Variants in LILRA1 observed in about 807,000 individuals in gnomAD.
LILRA1 encodes the protein leukocyte immunoglobulin-like receptor subfamily A member 1.
LILRA1 carries 51 observed loss-of-function variants against 51.6 expected under a neutral mutation model. The observed-to-expected ratio is 0.99, with a 90% CI of 0.79 to 1.25. LILRA1 has a LOEUF of 1.25. LILRA1 is among the 50% of genes most tolerant of loss of function. LILRA1 has a pLI of 0.00. For missense variants in LILRA1, 660 were observed against 611.7 expected (o/e 1.08, Z -0.83); for synonymous variants, 305 against 248.4 (o/e 1.23, Z -2.14).
chr19:54,594,825 T>A lies in LILRA1; in HGVS notation c.231T>A (p.Ile77=). ...GGATTACACGGATCCCACAGGAGAT[T>A]GTGAAGAAGGGCCAGTTCCCCATCC... The part of the protein sequence containing the change: ...APWITRIPQE[I]VKKGQFPIPS... The change falls in exon 4 of 10, where the codon ATT becomes ATA. Residue 77 remains isoleucine, a synonymous_variant. Coordinates refer to ENST00000251372, the MANE Select transcript of LILRA1 (RefSeq NM_006863.4). 1 of 1,614,096 alleles carries A rather than the reference T, an allele frequency of 6.2e-7. No homozygotes were observed. Among genetic ancestry groups the A allele is most frequent in the South Asian group, 1.1e-5 (1 of 91,080 alleles).
intron 7 of LILRA1, among the ~76,000 whole-genome samples, chr19:54,597,635 G>A (rs887515918): frequency 1.3e-5 from 2 of 152,074 alleles, no homozygotes; most frequent in East Asian, 3.9e-4. Flanking sequence ...TGATGGAGGA[G>A]GAACAGAGGC....
At chr19:54,596,558 C>T (rs2063063613) in intron 7 of LILRA1, 67 bp downstream of exon 7, 5 of 1,589,750 alleles carry the variant, frequency 3.1e-6, no homozygotes, top group South Asian at 1.1e-5. Flanking sequence ...CCCAGGAGAG[C>T]TCTGGACACT....
chr19:54,599,566 A>G, intron 8 of LILRA1: 2 of 1,129,198 alleles, frequency 1.8e-6, no homozygotes, highest in Non-Finnish European at 2.2e-6. Context: ...TTTTCAATGG[A>G]TCTCCTCTAA....
Position 54,599,035 on chromosome 19 carries a change from C to T in LILRA1, c.1262-201C>T, listed in dbSNP as rs551572654. On this transcript the variant is annotated intron_variant, in intron 7 of 9. Coordinates refer to ENST00000251372, the MANE Select transcript of LILRA1 (RefSeq NM_006863.4). Reference sequence around the variant, plus strand: ...GGTCTTGAACTCCTGACCTCATGATCTGCCCACGTCAGCCTCCCAAAATGC... The same window carrying T: ...GGTCTTGAACTCCTGACCTCATGATTTGCCCACGTCAGCCTCCCAAAATGC... Among the ~76,000 whole-genome samples the T allele has an allele frequency of 6.3e-4, 96 of 152,232 alleles. 1 individual carries two copies. The highest frequency in any genetic ancestry group is 3.4e-3 in the Middle Eastern group (1 of 294).
chr19:54,600,506 T>C lies in LILRA1; in HGVS notation c.1313-6T>C. 6.2e-7 allele frequency: 1 copy of C among 1,614,044 alleles called. No homozygotes were observed. Among genetic ancestry groups the C allele is most frequent in the Non-Finnish European group, 8.5e-7 (1 of 1,179,980 alleles). ...CAGGGCTCTTCCCCTCTGTTTTTAT[T>C]CTCAGGAGCAGCTAACACCCTCAGC... On this transcript the variant is annotated splice_region_variant and splice_polypyrimidine_tract_variant and intron_variant, in intron 8 of 9. Coordinates refer to ENST00000251372, the MANE Select transcript of LILRA1 (RefSeq NM_006863.4).
chr19:54,594,347 C>A, intron 2 of LILRA1, 69 bp downstream of exon 2: 1 of 1,613,902 alleles, frequency 6.2e-7, no homozygotes, highest in Non-Finnish European at 8.5e-7. Flanking sequence ...ACCTCTAGTC[C>A]CTAAGGAGAC....
intron 8 of LILRA1, 32 bp downstream of exon 8, chr19:54,599,318 T>C: frequency 6.5e-7 from 1 of 1,546,260 alleles, no homozygotes; most frequent in Non-Finnish European, 8.8e-7. Context: ...GTGATGACGC[T>C]GGGCACAGAG....
At position 54,593,865 on chromosome 19, in the gene LILRA1, C is replaced by G. The variant is rs1207098170; in HGVS notation, c.-49+84C>G. The G allele has an allele frequency of 1.4e-5, 9 of 643,304 alleles. No homozygotes were observed. In the East Asian group the frequency reaches 2.3e-4, roughly 16 times the overall value. The allele number at this position is 643,304 out of a possible 1,614,324, so 39.8% of individuals were successfully genotyped here. The stretch of plus-strand genomic sequence containing the variant: ...GGAGGCTGTGAGAAGGAAAGGGAAG[C>G]CTCCGTTACCCTCATCTGGAAGGGC... On this transcript the variant is annotated intron_variant, in intron 1 of 9. Transcript: ENST00000251372.
chr19:54,594,581 G>A, intron 3 of LILRA1, 84 bp from the exon 4 acceptor site: 2 of 1,610,960 alleles, frequency 1.2e-6, no homozygotes, highest in Middle Eastern at 1.7e-4. Flanking sequence ...CTGACTGATG[G>A]GGGCATCTGG....
At position 54,595,884 on chromosome 19, in the gene LILRA1, C is replaced by A. The variant is rs776139230; in HGVS notation, c.907C>A (p.Leu303Ile). 3 of 1,611,542 alleles carry A rather than the reference C, an allele frequency of 1.9e-6. No individual in the cohort carries two copies. The African/African-American group carries it at 4.0e-5, about 22-fold the overall frequency. Residue 303 changes from leucine to isoleucine, a missense_variant, in exon 6 of 10, where the codon CTC (leucine) becomes ATC (isoleucine). Leu to Ile is a conservative substitution (Grantham distance 5). Transcript: ENST00000251372. ...GTACAGATGCTCCGGTGCATACAAC[C>A]TCTCCTCCGAGTGGTCGGCCCCCAG... ...GQYRCSGAYNLSSEWSAPSDP... is the reference protein window; with the variant it reads ...GQYRCSGAYNISSEWSAPSDP...
At chr19:54,594,499 C>T in intron 3 of LILRA1, 23 bp downstream of exon 3, 1 of 1,614,086 alleles carries the variant, frequency 6.2e-7, no homozygotes, top group Non-Finnish European at 8.5e-7. Flanking sequence ...CCAGCTCTCC[C>T]AGGTCCCTCC....
chr19:54,595,528 C>T (rs1843824453), intron 5 of LILRA1, 111 bp from the exon 6 acceptor site: 1 of 1,540,738 alleles, frequency 6.5e-7, no homozygotes, highest in Non-Finnish European at 8.7e-7. Context: ...CTCAGGGCTC[C>T]TGGGGCCGGA....
intron 1 of LILRA1, 127 bp from the exon 2 acceptor site, chr19:54,594,070 A>G (rs1371958679): frequency 1.0e-6 from 1 of 1,004,408 alleles, no homozygotes; most frequent in Non-Finnish European, 1.5e-6. Flanking sequence ...GGCTCCTGGT[A>G]GGGTAGTTCT....
chr19:54,598,171 A>G (rs1285102400), intron 7 of LILRA1, among the ~76,000 whole-genome samples: 2 of 151,982 alleles, frequency 1.3e-5, no homozygotes, highest in Non-Finnish European at 2.9e-5. Context: ...TATGCTTTCT[A>G]TATGTATGCT....
Position 54,594,296 on chromosome 19 carries a change from A to G in LILRA1, c.34+18A>G. The G allele has an allele frequency of 6.2e-7, 1 of 1,612,136 alleles. No homozygotes were observed. The highest frequency in any genetic ancestry group is 1.1e-5 in the South Asian group (1 of 90,798). ...CTGTCTCAGTGAGATTTGAAGAGGG[A>G]GGGGAGCTTCTAACCTAGGAGGGAC... On this transcript the variant is annotated intron_variant, in intron 2 of 9. Coordinates refer to ENST00000251372, the MANE Select transcript of LILRA1 (RefSeq NM_006863.4).
At position 54,601,823 on chromosome 19, in the gene LILRA1, T is replaced by C. The variant is rs1401043817; in HGVS notation, c.*1006T>C. The C allele has an allele frequency of 6.6e-6, 1 of 152,204 alleles. No individual in the cohort carries two copies. The highest frequency in any genetic ancestry group is 1.5e-5 in the Non-Finnish European group (1 of 68,038). 9.4% of individuals were successfully genotyped at this position (152,204 alleles called of 1,614,324 possible). On this transcript the variant is annotated 3_prime_UTR_variant, in exon 10 of 10. Transcript: ENST00000251372. ...CTGGGGCTGATTCTTTTCTGAATTGTCGCAAACAGCAAGAGGACTTGAGTC... is the reference window on the plus strand; with the variant it reads ...CTGGGGCTGATTCTTTTCTGAATTGCCGCAAACAGCAAGAGGACTTGAGTC...
chr19:54,595,245 G>A lies in LILRA1; in HGVS notation c.504G>A (p.Leu168=), dbSNP rs1248432878. ...GAGAAGATGAACACCCACAATGCCT[G>A]AACTCACAGCCCCGTACCCATGGGT... ...KEGEDEHPQC[L]NSQPRTHGWS... The change falls in exon 5 of 10, where the codon CTG becomes CTA. Residue 168 remains leucine (L), a synonymous_variant. Coordinates refer to ENST00000251372, the MANE Select transcript of LILRA1 (RefSeq NM_006863.4). 2.5e-6 allele frequency: 4 copies of A among 1,613,980 alleles called. No individual in the cohort carries two copies. In the African/African-American group the frequency reaches 4.0e-5, roughly 16 times the overall value.
chr19:54,593,797 C>T lies in LILRA1; in HGVS notation c.-49+16C>T, dbSNP rs1208123606. On this transcript the variant is annotated intron_variant, in intron 1 of 9. Coordinates refer to ENST00000251372, the MANE Select transcript of LILRA1 (RefSeq NM_006863.4). ...GACTGCCATGGTAAGGACCCCACAACGCTGAGCTGATGGATGGCTGAAGGA... is the reference window on the plus strand; with the variant it reads ...GACTGCCATGGTAAGGACCCCACAATGCTGAGCTGATGGATGGCTGAAGGA... The T allele has an allele frequency of 1.6e-5, 19 of 1,188,302 alleles. No homozygotes were observed. Among genetic ancestry groups the T allele is most frequent in the South Asian group, 3.7e-5 (3 of 81,784 alleles). The allele number at this position is 1,188,302 out of a possible 1,614,324, so 73.6% of individuals were successfully genotyped here. A position where few individuals can be genotyped will look rare whatever the true frequency, so the allele number is the denominator to read the frequency against.
chr19:54,600,614 G>A, intron 9 of LILRA1, 64 bp downstream of exon 9: 1 of 1,612,212 alleles, frequency 6.2e-7, no homozygotes, highest in South Asian at 1.1e-5. Flanking sequence ...TCAAGGGTAA[G>A]GAGGTGCTCT....
Sources: gnomAD v4.1 joint callset for allele counts (sites outside exome capture counted in the v4.1 genomes callset) on GRCh38, gnomAD v4.1.1 for gene constraint, MANE v1.5 for transcripts, NCBI Gene and HGNC (gene_info 2026-07-23, HGNC 2026-07-21) for gene names.